The following SPATC1 variants were observed in gnomAD, a reference collection of about 807,000 sequenced individuals.
SPATC1 encodes spermatogenesis and centriole associated 1.
A neutral mutation model predicts 36.5 loss-of-function variants in SPATC1; 35 were observed. The ratio of observed to expected loss-of-function variants is 0.96; its 90% CI spans 0.73 to 1.27. The LOEUF (loss-of-function observed/expected upper bound fraction) is 1.27. Among genes scored for constraint, SPATC1 ranks in the 50% most tolerant of loss-of-function variants. The pLI is 0.00. For synonymous variants in SPATC1, 361 were observed against 353.6 expected, an observed-to-expected ratio of 1.02 and a Z score of -0.24; for missense variants, 779 against 796.0, an observed-to-expected ratio of 0.98 and a Z score of 0.26.
chr8:144,014,273 G>A (rs1834337327), intron 1 of SPATC1, among the ~76,000 whole-genome samples: 1 of 140,292 alleles, frequency 7.1e-6, no homozygotes, highest in African/African-American at 3.0e-5. Context: ...AAGAAAGAAA[G>A]AAAGAGAGAG....
intron 1 of SPATC1, among the ~76,000 whole-genome samples, chr8:144,030,287 C>A (rs1834768296): frequency 1.3e-5 from 2 of 152,052 alleles, no homozygotes; most frequent in Non-Finnish European, 2.9e-5. Context: ...CTTTTGACTG[C>A]CTATTTTACT....
chr8:144,027,627 G>A (rs1446435855), intron 1 of SPATC1, among the ~76,000 whole-genome samples: 1 of 152,182 alleles, frequency 6.6e-6, no homozygotes. Context: ...TGTATATGGT[G>A]TGAAGTAGGG....
chr8:144,037,937 G>A (rs1230998751), intron 1 of SPATC1, among the ~76,000 whole-genome samples: 72 of 151,908 alleles, frequency 4.7e-4, no homozygotes, highest in African/African-American at 1.5e-3. Flanking sequence ...AGACCATCCT[G>A]GCTAACACGG....
chr8:144,019,916 C>T (rs2133103705), intron 1 of SPATC1, among the ~76,000 whole-genome samples: 1 of 151,320 alleles, frequency 6.6e-6, no homozygotes, highest in South Asian at 2.1e-4. Flanking sequence ...CCACTGCCTC[C>T]CCCGGGGGCT....
chr8:144,019,907 C>T (rs2133103674), intron 1 of SPATC1, among the ~76,000 whole-genome samples: 1 of 151,616 alleles, frequency 6.6e-6, no homozygotes, highest in South Asian at 2.1e-4. Context: ...CCTGCTCTCC[C>T]ACTGCCTCCC....
chr8:144,046,257 T>C lies in SPATC1; in HGVS notation c.1447-370T>C, dbSNP rs182761078. Among the ~76,000 whole-genome samples the C allele has an allele frequency of 6.6e-6, 1 of 152,128 alleles. No individual in the cohort carries two copies. The highest frequency in any genetic ancestry group is 1.9e-4 in the East Asian group (1 of 5,198). On this transcript the variant is annotated intron_variant, in intron 4 of 4. Transcript: ENST00000377470. The surrounding 1 kb of genome is among the most constrained non-coding windows in gnomAD (Gnocchi z 6.6). ...CCCAGACTCCTGGGTCAGGGGACCCTGTGCACCTCCAGATGCCTAGCCACG... is the reference window on the plus strand; with the variant it reads ...CCCAGACTCCTGGGTCAGGGGACCCCGTGCACCTCCAGATGCCTAGCCACG...
At position 144,045,102 on chromosome 8, in the gene SPATC1, C is replaced by T. The variant is rs1835223973; in HGVS notation, c.1447-1525C>T. Among the ~76,000 whole-genome samples the T allele has an allele frequency of 6.6e-6, 1 of 152,240 alleles. No individual in the cohort carries two copies. Among genetic ancestry groups the T allele is most frequent in the East Asian group, 1.9e-4 (1 of 5,192 alleles). ...ACTCCTGCAGGAGGCACTGTGATTT[C>T]CTTCCCATCCCAGCAGGGAAACTGA... On this transcript the variant is annotated intron_variant, in intron 4 of 4. Coordinates refer to ENST00000377470, the MANE Select transcript of SPATC1 (RefSeq NM_198572.3). This position sits in a 1 kb window ranked among gnomAD's most constrained non-coding sequence, Gnocchi z 5.2.
At chr8:144,014,256 AGAAG>A (rs1834336602) in intron 1 of SPATC1, among the ~76,000 whole-genome samples, 1 of 148,898 alleles carries the variant, frequency 6.7e-6, no homozygotes, top group South Asian at 2.1e-4. Flanking sequence ...TGAAAGAAAA[AGAAG>A]GAAAGAAAGA....
rs781867863 is a variant in SPATC1 at position 144,041,056 on chromosome 8, GA to G, written c.1257del (p.Glu419AspfsTer67). 13 of 1,603,092 alleles carry G rather than the reference GA, an allele frequency of 8.1e-6. 1 individual carries two copies. In the South Asian group the frequency reaches 1.4e-4, roughly 18 times the overall value. The stretch of plus-strand genomic sequence containing the variant: ...GTCGACGAAGAGCATGATGGAGGTG[GA>G]ACGGAAGCTGGCCCACCGCAAGACC... ...EPSTKSMMEV[E>X]RKLAHRKTSK... On this transcript the variant is annotated frameshift_variant, in exon 3 of 5. Transcript: ENST00000377470. LOFTEE classifies it high-confidence loss of function.
intron 1 of SPATC1, among the ~76,000 whole-genome samples, chr8:144,039,163 C>A (rs576435779): frequency 6.6e-6 from 1 of 152,338 alleles, no homozygotes; most frequent in African/African-American, 2.4e-5. Flanking sequence ...ACCTTCTCTG[C>A]ACTCCCACCA....
rs1554755378 is a variant in SPATC1, at chr8:144,039,974, G to T, written c.277G>T (p.Ala93Ser). 3 of 1,613,970 alleles carry T rather than the reference G, an allele frequency of 1.9e-6. No individual in the cohort carries two copies. The highest frequency in any genetic ancestry group is 3.3e-5 in the Admixed American group (2 of 60,014). ...ERVLEEVGIM[A>S]LAPLAEMLTS... The stretch of plus-strand genomic sequence containing the variant: ...AGTCCTCGAAGAAGTGGGGATCATG[G>T]CCTTGGCACCCCTGGCCGAGATGCT... The change falls in exon 2 of 5, where the codon GCC becomes TCC. Residue 93 changes from alanine (A) to serine (S), a missense_variant. Transcript: ENST00000377470.
At chr8:144,021,309 C>T (rs1834528973) in intron 1 of SPATC1, among the ~76,000 whole-genome samples, 16 of 145,402 alleles carry the variant, frequency 1.1e-4, no homozygotes, top group East Asian at 2.0e-4. Context: ...ACCCTCTTCC[C>T]TCATGACCCT....
At position 144,046,728 on chromosome 8, in the gene SPATC1, C is replaced by A; in HGVS notation, c.1548C>A (p.Tyr516Ter). ...SVMNRLQSLGYNGRVHPALTE... is the reference protein window; with the variant it reads ...SVMNRLQSLG ...TGAACAGGCTGCAGAGTCTGGGCTACAACGGGCGGGTGCACCCTGCGCTGA... is the reference window on the plus strand; with the variant it reads ...TGAACAGGCTGCAGAGTCTGGGCTAAAACGGGCGGGTGCACCCTGCGCTGA... The change falls in exon 5 of 5, where the codon TAC becomes TAA. Residue 516 changes from tyrosine (Y) to a stop codon, truncating the protein, a stop_gained. Coordinates refer to ENST00000377470, the MANE Select transcript of SPATC1 (RefSeq NM_198572.3). LOFTEE classifies it high-confidence loss of function. The surrounding 1 kb of genome is among the most constrained non-coding windows in gnomAD (Gnocchi z 6.6). 6.2e-7 allele frequency: 1 copy of A among 1,612,572 alleles called. No homozygotes were observed. The highest frequency in any genetic ancestry group is 8.5e-7 in the Non-Finnish European group (1 of 1,180,004).
chr8:144,015,439 AAAAG>A lies in SPATC1; in HGVS notation c.211+2725_211+2728del, dbSNP rs1366865912. On this transcript the variant is annotated intron_variant, in intron 1 of 4. Coordinates refer to ENST00000377470, the MANE Select transcript of SPATC1 (RefSeq NM_198572.3). The stretch of plus-strand genomic sequence containing the variant: ...ATAAAACATCTATATATTTAAAAAA[AAAAG>A]AAAGAAAGAAAATGTGGGCCAGGTG... 6.0e-5 allele frequency among the ~76,000 whole-genome samples: 9 copies of A among 150,644 alleles called. 1 individual carries two copies. The highest frequency in any genetic ancestry group is 2.0e-4 in the Admixed American group (3 of 15,242).
In SPATC1 at chr8:144,016,626, T is replaced by TG. The variant is rs1554753279; in HGVS notation, c.211+3900_211+3901insG. ...GTTTTTGTTTGTTTGTTTGTTTGTT[T>TG]TTTTGTTTGTTTGTTTTTGAGACAG... On this transcript the variant is annotated intron_variant, in intron 1 of 4. Coordinates refer to ENST00000377470, the MANE Select transcript of SPATC1 (RefSeq NM_198572.3). This position sits in a 1 kb window ranked among gnomAD's most constrained non-coding sequence, Gnocchi z 4.5. Among the ~76,000 whole-genome samples the TG allele has an allele frequency of 1.3e-4, 20 of 151,148 alleles. No homozygotes were observed. The highest frequency in any genetic ancestry group is 3.7e-4 in the African/African-American group (15 of 40,554).
At position 144,046,889 on chromosome 8, in the gene SPATC1, C is replaced by CGCT; in HGVS notation, c.1719_1721dup (p.Leu574dup). On this transcript the variant is annotated inframe_insertion, in exon 5 of 5. Transcript: ENST00000377470. This position sits in a 1 kb window ranked among gnomAD's most constrained non-coding sequence, Gnocchi z 6.6. Reference sequence around the variant, plus strand: ...GTGCACCCCGGCATGCTCGCCGACGCGCTGCTGCTGCTCTCCTGCCTCAGC... The same window carrying CGCT: ...GTGCACCCCGGCATGCTCGCCGACGCGCTGCTGCTGCTGCTCTCCTGCCTCAGC... The CGCT allele has an allele frequency of 1.3e-6, 2 of 1,599,586 alleles. No homozygotes were observed. Among genetic ancestry groups the CGCT allele is most frequent in the Non-Finnish European group, 1.7e-6 (2 of 1,179,740 alleles).
intron 1 of SPATC1, among the ~76,000 whole-genome samples, chr8:144,023,166 TCTCAGGACCCTCTTTC>T (rs1834582848): frequency 1.7e-5 from 1 of 60,336 alleles, no homozygotes; most frequent in African/African-American, 7.1e-5. Context: ...GACCCCTTTC[TCTCAGGACCCTCTTTC>T]CTCAGGACCT....
intron 1 of SPATC1, 21 bp from the exon 2 acceptor site, chr8:144,039,888 G>A (rs1835013495): frequency 1.2e-6 from 2 of 1,603,098 alleles, no homozygotes; most frequent in Non-Finnish European, 1.7e-6. Flanking sequence ...TGGGGTCTCA[G>A]TGCTTTCTCT....
In SPATC1 at chr8:144,031,649, T is replaced by A. The variant is rs927170453; in HGVS notation, c.212-8260T>A. Among the ~76,000 whole-genome samples the A allele has an allele frequency of 5.3e-5, 8 of 151,806 alleles. No homozygotes were observed. The South Asian group carries it at 1.7e-3, about 31-fold the overall frequency. On this transcript the variant is annotated intron_variant, in intron 1 of 4. Transcript: ENST00000377470. The stretch of plus-strand genomic sequence containing the variant: ...TTTCTTTGATATGTGGATCCATATC[T>A]TTCACTAAATTTAGAAAATTTTCAG...
Sources: allele counts gnomAD v4.1 joint callset (sites outside exome capture counted in the v4.1 genomes callset), GRCh38; gene constraint gnomAD v4.1.1; non-coding constraint Gnocchi (gnomAD v3.1); transcripts MANE v1.5; gene names NCBI Gene and HGNC (gene_info 2026-07-23, HGNC 2026-07-21).